Variants in SYNE1 observed in about 807,000 individuals in gnomAD.
SYNE1 encodes the protein spectrin repeat containing nuclear envelope protein 1.
A neutral mutation model predicts 1,111.0 loss-of-function variants in SYNE1; 616 were observed. The observed-to-expected ratio is 0.55, with a 90% CI of 0.52 to 0.59. The LOEUF (loss-of-function observed/expected upper bound fraction) is 0.59, where lower values mean the gene tolerates loss of function less well. Among genes scored for constraint, SYNE1 ranks in the 20% least tolerant of loss-of-function variants. SYNE1 has a pLI of 0.00. For synonymous variants in SYNE1, 3,855 were observed against 3,825.8 expected, an observed-to-expected ratio of 1.01 and a Z score of -0.28; for missense variants, 10,006 against 10,417.0, an observed-to-expected ratio of 0.96 and a Z score of 1.72.
chr6:152,462,965 C>T, intron 19 of SYNE1, 75 bp from the exon 20 acceptor site: 2 of 1,532,022 alleles, frequency 1.3e-6, no homozygotes, highest in South Asian at 2.2e-5. Flanking sequence ...CTTTCACTTT[C>T]ACATATTCGC....
chr6:152,628,192 C>T, intron 3 of SYNE1, 73 bp downstream of exon 3: 1 of 1,538,134 alleles, frequency 6.5e-7, no homozygotes, highest in Non-Finnish European at 9.0e-7. Context: ...AGTAAAACCC[C>T]AAACAAATTT....
In SYNE1 at chr6:152,362,219, C is replaced by T. The variant is rs1484214830; in HGVS notation, c.10250G>A (p.Arg3417Lys). 1.2e-5 allele frequency: 20 copies of T among 1,614,106 alleles called. No individual in the cohort carries two copies. Among genetic ancestry groups the T allele is most frequent in the Non-Finnish European group, 1.6e-5 (19 of 1,180,054 alleles). ...SMEANLNESE[R>K]QHAELRDKTT... ...TTTATCCCGCAGCTCCGCATGCTGC[C>T]TTTCTGATTCATTCAGGTTGGCTTC... Residue 3417 changes from arginine to lysine, a missense_variant, in exon 64 of 146, where the codon AGG (arginine) becomes AAG (lysine). Arg to Lys is a conservative substitution (Grantham distance 26). This residue lies in a region of SYNE1 where 4,955 missense variants were observed against 5,017.2 expected (regional missense o/e 0.99). Transcript: ENST00000367255.
At chr6:152,438,603 A>G (rs1169887306) in intron 32 of SYNE1, among the ~76,000 whole-genome samples, 1 of 152,186 alleles carries the variant, frequency 6.6e-6, no homozygotes, top group Non-Finnish European at 1.5e-5. Context: ...TCATTAGCTG[A>G]GTGACCTTTG....
In SYNE1 at chr6:152,628,333, G is replaced by A; in HGVS notation, c.-2C>T. The A allele has an allele frequency of 6.2e-7, 1 of 1,614,126 alleles. No individual in the cohort carries two copies. The highest frequency in any genetic ancestry group is 2.2e-5 in the East Asian group (1 of 44,878). On this transcript the variant is annotated 5_prime_UTR_variant, in exon 3 of 146. Coordinates refer to ENST00000367255, the MANE Select transcript of SYNE1 (RefSeq NM_182961.4). The stretch of plus-strand genomic sequence containing the variant: ...GGAGGCCCCTCTGGAGGTTGCCATG[G>A]TCCCTCCGGAAGCACGAAGCCAACA...
In SYNE1 at chr6:152,300,791, A is replaced by G. The variant is rs1021298843; in HGVS notation, c.17542-10T>C. ...AGCGACCTGCAGTCATCTGCCACGT[A>G]AAATGTAGCCCAAAGGACATGAAAA... is the stretch of plus-strand genomic sequence containing the variant. On this transcript the variant is annotated splice_polypyrimidine_tract_variant and intron_variant, in intron 92 of 145. Coordinates refer to ENST00000367255, the MANE Select transcript of SYNE1 (RefSeq NM_182961.4). The G allele has an allele frequency of 6.2e-7, 1 of 1,614,122 alleles. No homozygotes were observed. The highest frequency in any genetic ancestry group is 1.3e-5 in the African/African-American group (1 of 74,950).
intron 127 of SYNE1, 84 bp from the exon 128 acceptor site, chr6:152,189,491 A>C: frequency 7.3e-7 from 1 of 1,376,970 alleles, no homozygotes. Flanking sequence ...TCTTGATAGA[A>C]TTTCCTTTGT....
intron 41 of SYNE1, 45 bp downstream of exon 41, chr6:152,416,342 A>C (rs1416687567): frequency 6.2e-7 from 1 of 1,609,886 alleles, no homozygotes; most frequent in East Asian, 2.2e-5. Context: ...TCCAGAACAA[A>C]TACAAAAGAA....
chr6:152,308,437 C>T (rs199778664), intron 91 of SYNE1, 52 bp downstream of exon 91: 2 of 1,612,790 alleles, frequency 1.2e-6, no homozygotes. Flanking sequence ...CAAACATATA[C>T]TCTAATCAAG....
chr6:152,296,535 G>A (rs1438590014), intron 93 of SYNE1, among the ~76,000 whole-genome samples: 1 of 152,176 alleles, frequency 6.6e-6, no homozygotes, highest in Non-Finnish European at 1.5e-5. Context: ...CTGCTTATGG[G>A]AGGATGGAGT....
rs1333049010 is a variant in SYNE1 at position 152,236,173 on chromosome 6, A to T, written c.20330T>A (p.Leu6777Gln). 1 of 1,614,102 alleles carries T rather than the reference A, an allele frequency of 6.2e-7. No individual in the cohort carries two copies. Among genetic ancestry groups the T allele is most frequent in the Non-Finnish European group, 8.5e-7 (1 of 1,180,044 alleles). The change falls in exon 110 of 146, where the codon CTA becomes CAA. Residue 6777 changes from leucine (L) to glutamine (Q), a missense_variant. Leu to Gln is a moderately radical substitution (Grantham distance 113, BLOSUM62 -2). Around this residue, in one of 7 missense-constraint regions of SYNE1, gnomAD observed 2,182 missense variants for 2,287.8 expected, o/e 0.95. Transcript: ENST00000367255. Reference protein sequence around the residue: ...SQLNQLGECWLSNTNKMSKEL... With the variant: ...SQLNQLGECWQSNTNKMSKEL... Reference sequence around the variant, plus strand: ...CTTAGACATTTTATTGGTGTTACTTAGCCAGCACTCTCCAAGTTGATTTAG... The same window carrying T: ...CTTAGACATTTTATTGGTGTTACTTTGCCAGCACTCTCCAAGTTGATTTAG...
intron 28 of SYNE1, 75 bp downstream of exon 28, chr6:152,449,458 G>A (rs1215221787): frequency 2.0e-5 from 22 of 1,123,578 alleles, no homozygotes; most frequent in Non-Finnish European, 2.8e-5. Flanking sequence ...AAAAAGCAGA[G>A]AACCGTTAGA....
intron 138 of SYNE1, among the ~76,000 whole-genome samples, chr6:152,142,780 C>T (rs967728682): frequency 6.6e-6 from 1 of 152,190 alleles, no homozygotes; most frequent in African/African-American, 2.4e-5. Flanking sequence ...ATTGACCGCT[C>T]TTCTGTAATT....
chr6:152,379,377 C>T (rs1367738857), intron 56 of SYNE1, among the ~76,000 whole-genome samples: 2 of 151,892 alleles, frequency 1.3e-5, no homozygotes, highest in Non-Finnish European at 2.9e-5. Context: ...ATTATTTTTA[C>T]AATATTATAT....
chr6:152,368,399 A>G (rs2097121411), intron 61 of SYNE1: 1 of 153,982 alleles, frequency 6.5e-6, no homozygotes, highest in Non-Finnish European at 1.4e-5. Flanking sequence ...AAGAGGTTTA[A>G]TCAGTTGTCT....
chr6:152,599,824 G>A lies in SYNE1; in HGVS notation c.67+28441C>T, dbSNP rs180942427. ...TATGAAATCATATACGTATCCTATA[G>A]CATAGAAAGTCAGACACAAACACTC... On this transcript the variant is annotated intron_variant, in intron 3 of 145. Coordinates refer to ENST00000367255, the MANE Select transcript of SYNE1 (RefSeq NM_182961.4). Among the ~76,000 whole-genome samples the A allele has an allele frequency of 9.9e-5, 15 of 152,268 alleles. No individual in the cohort carries two copies. In the East Asian group the frequency reaches 2.9e-3, roughly 29 times the overall value.
intron 3 of SYNE1, among the ~76,000 whole-genome samples, chr6:152,599,933 G>T (rs548865631): frequency 3.3e-5 from 5 of 152,264 alleles, no homozygotes; most frequent in African/African-American, 1.2e-4. Context: ...TGAGGTAACT[G>T]GAGACACAAG....
chr6:152,498,742 C>G lies in SYNE1; in HGVS notation c.939G>C (p.Lys313Asn), dbSNP rs752121793. Residue 313 changes from lysine to asparagine, a missense_variant and splice_region_variant, in exon 11 of 146, where the codon AAG becomes AAC. Lys to Asn is a moderately conservative substitution (Grantham distance 94). Around this residue, in one of 7 missense-constraint regions of SYNE1, gnomAD observed 1,971 missense variants for 2,084.1 expected, o/e 0.95. Coordinates refer to ENST00000367255, the MANE Select transcript of SYNE1 (RefSeq NM_182961.4). ...CAATGCAAGATTACTTAAATCTTAC[C>G]TTAAAATTTTGTACAGAATTTGCAA... ...PSFANSVQNF[K>N]REDRVIFKEM... 8.4e-6 allele frequency: 13 copies of G among 1,551,896 alleles called. No homozygotes were observed. In the South Asian group the frequency reaches 8.6e-5, roughly 10 times the overall value.
intron 56 of SYNE1, 38 bp from the exon 57 acceptor site, chr6:152,376,950 C>T: frequency 6.2e-7 from 1 of 1,610,858 alleles, no homozygotes; most frequent in East Asian, 2.2e-5. Context: ...CGAGCACTTA[C>T]ATTGGGTGAT....
chr6:152,199,028 A>C (rs2074828036), intron 127 of SYNE1, among the ~76,000 whole-genome samples: 3 of 151,736 alleles, frequency 2.0e-5, no homozygotes, highest in South Asian at 4.1e-4. Context: ...AAAACATAGG[A>C]TCTGTGAAAC....
Sources: allele counts gnomAD v4.1 joint callset (sites outside exome capture counted in the v4.1 genomes callset), GRCh38; gene constraint gnomAD v4.1.1; regional missense constraint gnomAD v4.1.1; transcripts MANE v1.5; gene names NCBI Gene and HGNC (gene_info 2026-07-23, HGNC 2026-07-21).